TNS3: variants seen among roughly 807,000 people sequenced by gnomAD.
TNS3 encodes tensin-3.
A neutral mutation model predicts 140.9 loss-of-function variants in TNS3; 45 were observed. That is an observed-to-expected ratio of 0.32 (90% confidence interval 0.25 to 0.41). TNS3 has a LOEUF of 0.41. Ranked by LOEUF, TNS3 falls within the 10% of genes least tolerant of loss-of-function variation. The pLI is 1.00. For missense variants in TNS3, 1,716 were observed against 1,906.7 expected, an observed-to-expected ratio of 0.90 and a Z score of 1.86; for synonymous variants, 815 against 788.4, an observed-to-expected ratio of 1.03 and a Z score of -0.56.
At chr7:47,474,424 AAAC>A (rs778855122) in intron 4 of TNS3, among the ~76,000 whole-genome samples, 32 of 150,454 alleles carry the variant, frequency 2.1e-4, no homozygotes, top group Admixed American at 2.6e-4. Context: ...AACACAACAC[AAAC>A]AACACACACT....
At chr7:47,297,583 C>T (rs1464139712) in intron 23 of TNS3, among the ~76,000 whole-genome samples, 2 of 152,094 alleles carry the variant, frequency 1.3e-5, no homozygotes, top group African/African-American at 4.8e-5. Flanking sequence ...TGGTCCCCAC[C>T]TGACAGCCCA....
At chr7:47,463,581 A>G (rs1796577924) in intron 4 of TNS3, among the ~76,000 whole-genome samples, 1 of 152,224 alleles carries the variant, frequency 6.6e-6, no homozygotes, top group Admixed American at 6.5e-5. Context: ...GACACTGGAC[A>G]TCACATCAGC....
chr7:47,460,244 G>A (rs1796433154), intron 4 of TNS3, among the ~76,000 whole-genome samples: 2 of 147,920 alleles, frequency 1.4e-5, no homozygotes, highest in Non-Finnish European at 3.0e-5. Flanking sequence ...AAAAGAAGAG[G>A]AGATTAGGAC....
intron 27 of TNS3, among the ~76,000 whole-genome samples, chr7:47,286,094 G>A (rs7798951): frequency 0.012 from 1,846 of 152,274 alleles, 26 homozygotes; most frequent in African/African-American, 0.042. Context: ...TGCTGATCAT[G>A]CAGTTATGAA....
intron 1 of TNS3, among the ~76,000 whole-genome samples, chr7:47,574,904 C>T (rs569600989): frequency 6.6e-5 from 10 of 152,048 alleles, no homozygotes; most frequent in Middle Eastern, 3.2e-3. Context: ...AGTTTCAGTT[C>T]TGCAAAATGG....
rs767412135 is a variant in TNS3 at position 47,278,197 on chromosome 7, T to C, written c.4217A>G (p.Lys1406Arg). 1.2e-6 allele frequency: 2 copies of C among 1,614,116 alleles called. No homozygotes were observed. Among genetic ancestry groups the C allele is most frequent in the Non-Finnish European group, 1.7e-6 (2 of 1,180,000 alleles). ...SSKVFGFVAR[K>R]QGSATDNVCH... Reference sequence around the variant, plus strand: ...CACATTATCCGTGGCACTGCCCTGCTTCCGGGCCACAAATCCAAAGACTCT... The same window carrying C: ...CACATTATCCGTGGCACTGCCCTGCCTCCGGGCCACAAATCCAAAGACTCT... Residue 1406 changes from lysine to arginine, a missense_variant, in exon 31 of 31, where the codon AAG (lysine) becomes AGG (arginine). By Grantham distance (26) the Lys-to-Arg change is conservative. Around this residue, in one of 3 missense-constraint regions of TNS3, gnomAD observed 216 missense variants for 295.7 expected, o/e 0.73. Coordinates refer to ENST00000311160, the MANE Select transcript of TNS3 (RefSeq NM_022748.12).
chr7:47,503,982 A>G (rs980978950), intron 3 of TNS3, among the ~76,000 whole-genome samples: 1 of 152,134 alleles, frequency 6.6e-6, no homozygotes, highest in African/African-American at 2.4e-5. Context: ...AAAGGCCTCC[A>G]TTTCCAGCTA....
chr7:47,540,094 A>G (rs1047405048), intron 1 of TNS3, among the ~76,000 whole-genome samples: 1 of 152,158 alleles, frequency 6.6e-6, no homozygotes, highest in Non-Finnish European at 1.5e-5. Context: ...CTTTGCCACA[A>G]TCCTCTGTGC....
At chr7:47,565,307 C>G (rs1355031552) in intron 1 of TNS3, among the ~76,000 whole-genome samples, 2 of 151,554 alleles carry the variant, frequency 1.3e-5, no homozygotes, top group African/African-American at 4.8e-5. Context: ...GATCTCCTGA[C>G]CTCGTGATCC....
chr7:47,490,646 G>A (rs1797776119), intron 3 of TNS3, among the ~76,000 whole-genome samples: 1 of 152,240 alleles, frequency 6.6e-6, no homozygotes, highest in Non-Finnish European at 1.5e-5. Context: ...AGGGAAGCCT[G>A]AACAGCCGCA....
At chr7:47,563,626 T>G (rs1800362488) in intron 1 of TNS3, among the ~76,000 whole-genome samples, 1 of 152,238 alleles carries the variant, frequency 6.6e-6, no homozygotes, top group Non-Finnish European at 1.5e-5. Flanking sequence ...GTGGCTCACC[T>G]TTGTGTTCCA....
At chr7:47,410,407 A>T (rs1327517881) in intron 13 of TNS3, among the ~76,000 whole-genome samples, 1 of 152,224 alleles carries the variant, frequency 6.6e-6, no homozygotes, top group African/African-American at 2.4e-5. Flanking sequence ...CAATGCCTTG[A>T]AAAGGGCTGG....
intron 1 of TNS3, among the ~76,000 whole-genome samples, chr7:47,556,311 A>G (rs991247647): frequency 1.3e-5 from 2 of 152,066 alleles, no homozygotes; most frequent in Non-Finnish European, 2.9e-5. Flanking sequence ...CAAGTCAGCT[A>G]CTCTAAGGAG....
Position 47,275,574 on chromosome 7 carries a change from G to C in TNS3, c.*2502C>G. The C allele has an allele frequency of 3.1e-6, 1 of 327,202 alleles. No individual in the cohort carries two copies. Among genetic ancestry groups the C allele is most frequent in the Non-Finnish European group, 6.0e-6 (1 of 166,894 alleles). The allele number at this position is 327,202 out of a possible 1,614,324, so 20.3% of individuals were successfully genotyped here. ...CCTAGAGCCGGTGTCCACGGTGGGG[G>C]CTCTCTCACGGTTTCTGAGCCCACA... On this transcript the variant is annotated 3_prime_UTR_variant, in exon 31 of 31. Coordinates refer to ENST00000311160, the MANE Select transcript of TNS3 (RefSeq NM_022748.12).
chr7:47,305,553 G>A (rs201798236), intron 20 of TNS3, among the ~76,000 whole-genome samples: 1 of 152,172 alleles, frequency 6.6e-6, no homozygotes. Flanking sequence ...CATCAACATC[G>A]AGCACTATGA....
intron 13 of TNS3, among the ~76,000 whole-genome samples, chr7:47,410,526 G>A (rs552580589): frequency 7.2e-5 from 11 of 152,318 alleles, no homozygotes; most frequent in African/African-American, 1.4e-4. Flanking sequence ...CCCCGCAGGC[G>A]TGGATGGGTT....
At chr7:47,557,010 C>CG (rs766847375) in intron 1 of TNS3, 82 of 456,278 alleles carry the variant, frequency 1.8e-4, no homozygotes, top group East Asian at 2.8e-4. Context: ...CCAGGAGCAG[C>CG]GGGGGCGGGG....
In TNS3 at chr7:47,400,885, C is replaced by T. The variant is rs1328003562; in HGVS notation, c.753G>A (p.Ser251=). 10 of 1,614,196 alleles carry T rather than the reference C, an allele frequency of 6.2e-6. No individual in the cohort carries two copies. The highest frequency in any genetic ancestry group is 4.5e-5 in the East Asian group (2 of 44,878). The change falls in exon 14 of 31, where the codon TCG becomes TCA. Residue 251 remains serine (S), a synonymous_variant. Transcript: ENST00000311160. ...GGCGGAAAATGACGTCACGGGTGGC[C>T]GAGCGGTATTTCTTGTGGTAGCATT... ...MVKCYHKKYR[S]ATRDVIFRLQ... is the part of the protein sequence containing the mutation.
intron 20 of TNS3, among the ~76,000 whole-genome samples, chr7:47,324,579 C>G (rs1037168795): frequency 1.3e-5 from 2 of 152,134 alleles, no homozygotes; most frequent in African/African-American, 2.4e-5. Flanking sequence ...TGGTGAAACC[C>G]CATCTCTACT....
Sources: gnomAD v4.1 joint callset for allele counts (sites outside exome capture counted in the v4.1 genomes callset) on GRCh38, gnomAD v4.1.1 for gene constraint, gnomAD v4.1.1 regional missense constraint, MANE v1.5 for transcripts, NCBI Gene and HGNC (gene_info 2026-07-23, HGNC 2026-07-21) for gene names.